The following RELN variants were observed in gnomAD, a reference collection of about 807,000 sequenced individuals.
RELN encodes reelin.
A neutral mutation model predicts 427.6 loss-of-function variants in RELN; 108 were observed. The ratio of observed to expected loss-of-function variants is 0.25; its 90% CI spans 0.22 to 0.30. The LOEUF (loss-of-function observed/expected upper bound fraction) is 0.30, where lower values mean the gene tolerates loss of function less well. RELN is among the 10% of genes least tolerant of loss of function. The pLI, the probability that RELN is intolerant of heterozygous loss-of-function variation, is 1.00. For missense variants in RELN, 3,715 were observed against 4,302.8 expected (o/e 0.86, Z 3.82); for synonymous variants, 1,524 against 1,513.4 (o/e 1.01, Z -0.16).
intron 3 of RELN, among the ~76,000 whole-genome samples, chr7:103,816,818 T>C (rs1792883672): frequency 6.6e-6 from 1 of 152,014 alleles, no homozygotes; most frequent in Non-Finnish European, 1.5e-5. Flanking sequence ...AGACTATCAT[T>C]TTGCAAAACA....
chr7:103,730,077 A>G (rs1430163467), intron 6 of RELN, among the ~76,000 whole-genome samples: 1 of 152,130 alleles, frequency 6.6e-6, no homozygotes, highest in Non-Finnish European at 1.5e-5. Context: ...CCTCCAAGTC[A>G]TTGTGAAATG....
intron 10 of RELN, among the ~76,000 whole-genome samples, chr7:103,692,522 G>A (rs1833893627): frequency 6.6e-6 from 1 of 152,052 alleles, no homozygotes; most frequent in African/African-American, 2.4e-5. Context: ...GAGGGAGAAG[G>A]AGCTGACCAC....
At chr7:103,851,198 G>A (rs1034340393) in intron 2 of RELN, among the ~76,000 whole-genome samples, 5 of 152,180 alleles carry the variant, frequency 3.3e-5, no homozygotes, top group African/African-American at 9.7e-5. Context: ...CCTGGGTGAG[G>A]TTGGAAACTA....
At position 103,909,730 on chromosome 7, in the gene RELN, T is replaced by TA. The variant is rs1563084880; in HGVS notation, c.337+7344_337+7345insT. ...TATATAAATATATATTAAATATATT[T>TA]TTTAATATATATAAATATATATATT... On this transcript the variant is annotated intron_variant, in intron 2 of 64. Coordinates refer to ENST00000428762, the MANE Select transcript of RELN (RefSeq NM_005045.4). Among the ~76,000 whole-genome samples, 16 of 33,998 alleles carry TA rather than the reference T, an allele frequency of 4.7e-4. 1 individual carries two copies. Among genetic ancestry groups the TA allele is most frequent in the African/African-American group, 2.6e-3 (16 of 6,242 alleles). The allele number at this position is 33,998 out of a possible 152,430, so 22.3% of individuals were successfully genotyped here. A position where few individuals can be genotyped will look rare whatever the true frequency, so the allele number is the denominator to read the frequency against.
intron 1 of RELN, among the ~76,000 whole-genome samples, chr7:103,952,530 CACAT>C (rs796451243): frequency 6.6e-6 from 1 of 150,526 alleles, no homozygotes; most frequent in African/African-American, 2.5e-5. Flanking sequence ...CACACACACA[CACAT>C]ACATACATAC....
intron 50 of RELN, chr7:103,513,074 G>C (rs1222415947): frequency 6.6e-6 from 1 of 152,176 alleles, no homozygotes; most frequent in African/African-American, 2.4e-5. Flanking sequence ...ACAGATACAG[G>C]ACTCAAGAGT....
At chr7:103,924,645 G>A (rs1287077430) in intron 1 of RELN, among the ~76,000 whole-genome samples, 1 of 152,042 alleles carries the variant, frequency 6.6e-6, no homozygotes, top group African/African-American at 2.4e-5. Context: ...GCATCTCTGT[G>A]GAACGCTATT....
chr7:103,733,603 T>C (rs1790413624), intron 6 of RELN, among the ~76,000 whole-genome samples: 2 of 144,602 alleles, frequency 1.4e-5, no homozygotes, highest in Non-Finnish European at 3.0e-5. Context: ...TGGAATACTA[T>C]GCAGCCATAA....
chr7:103,583,221 TG>T (rs1831194750), intron 28 of RELN, among the ~76,000 whole-genome samples: 1 of 152,222 alleles, frequency 6.6e-6, no homozygotes, highest in African/African-American at 2.4e-5. Context: ...CTGAGGCCTT[TG>T]GTCTTAGACT....
At chr7:103,861,283 G>C (rs963297745) in intron 2 of RELN, among the ~76,000 whole-genome samples, 1 of 152,002 alleles carries the variant, frequency 6.6e-6, no homozygotes, top group Non-Finnish European at 1.5e-5. Context: ...CAAATCCCTG[G>C]TATACTAATA....
intron 11 of RELN, among the ~76,000 whole-genome samples, chr7:103,667,534 A>C (rs1382052724): frequency 6.6e-6 from 1 of 152,200 alleles, no homozygotes; most frequent in African/African-American, 2.4e-5. Flanking sequence ...TCTTTTCAGG[A>C]AAATAAATAT....
intron 2 of RELN, among the ~76,000 whole-genome samples, chr7:103,909,717 TATTAAATATATTTTTTAATA>T (rs1795304669): frequency 3.2e-5 from 1 of 30,786 alleles, no homozygotes; most frequent in Non-Finnish European, 6.1e-5. Flanking sequence ...TATAAATATA[TATTAAATATATTTTTTAATA>T]TATATAAATA....
intron 2 of RELN, among the ~76,000 whole-genome samples, chr7:103,879,041 T>C (rs576573147): frequency 2.1e-4 from 32 of 152,300 alleles, no homozygotes; most frequent in Non-Finnish European, 4.0e-4. Flanking sequence ...CTAAGCTGTT[T>C]TGAATTTCAA....
intron 57 of RELN, 122 bp from the exon 58 acceptor site, chr7:103,492,148 G>T: frequency 1.3e-6 from 1 of 774,844 alleles, no homozygotes; most frequent in Non-Finnish European, 2.2e-6. Flanking sequence ...CTTTTATAGA[G>T]CAGCCTGCTG....
chr7:103,962,646 T>TG (rs1554449118), intron 1 of RELN, among the ~76,000 whole-genome samples: 2 of 149,816 alleles, frequency 1.3e-5, no homozygotes, highest in Non-Finnish European at 3.0e-5. Flanking sequence ...TCCAAAGTTG[T>TG]TGTGTGTGTG....
At chr7:103,770,830 G>A (rs1791549174) in intron 4 of RELN, among the ~76,000 whole-genome samples, 1 of 151,532 alleles carries the variant, frequency 6.6e-6, no homozygotes, top group South Asian at 2.1e-4. Flanking sequence ...TGAGCATGAA[G>A]CTTTCCATGC....
chr7:103,700,722 T>A (rs1333995640), intron 9 of RELN, among the ~76,000 whole-genome samples, 188 bp downstream of exon 9: 1 of 152,102 alleles, frequency 6.6e-6, no homozygotes, highest in African/African-American at 2.4e-5. Context: ...GAATGGAAAA[T>A]GACACTTTTA....
intron 2 of RELN, among the ~76,000 whole-genome samples, chr7:103,858,095 G>A (rs910600524): frequency 6.6e-6 from 1 of 151,926 alleles, no homozygotes; most frequent in Admixed American, 6.6e-5. Context: ...ATAGTGTCTA[G>A]TTTGTTCAAT....
chr7:103,522,696 G>C (rs1229158074), intron 47 of RELN, among the ~76,000 whole-genome samples: 3 of 152,184 alleles, frequency 2.0e-5, no homozygotes, highest in Admixed American at 1.3e-4. Flanking sequence ...TATGAATATA[G>C]GACTGGGAAG....
Sources: allele counts gnomAD v4.1 joint callset (sites outside exome capture counted in the v4.1 genomes callset), GRCh38; gene constraint gnomAD v4.1.1; transcripts MANE v1.5; gene names NCBI Gene and HGNC (gene_info 2026-07-23, HGNC 2026-07-21).